Variants in CHSY3 observed in about 807,000 individuals in gnomAD.
The protein encoded by CHSY3 is chondroitin sulfate synthase 3.
CHSY3 carries 35 observed loss-of-function variants against 67.2 expected under a neutral mutation model. The ratio of observed to expected loss-of-function variants is 0.52; its 90% CI spans 0.40 to 0.69. The LOEUF is 0.69. Among genes scored for constraint, CHSY3 ranks in the 30% least tolerant of loss-of-function variants. CHSY3 has a pLI of 0.00. For synonymous variants in CHSY3, 474 were observed against 434.7 expected, an observed-to-expected ratio of 1.09 and a Z score of -1.12; for missense variants, 1,069 against 1,138.5, an observed-to-expected ratio of 0.94 and a Z score of 0.88.
intron 2 of CHSY3, among the ~76,000 whole-genome samples, chr5:130,134,314 TA>T (rs1425301596): frequency 1.3e-5 from 2 of 152,234 alleles, no homozygotes; most frequent in African/African-American, 4.8e-5. Context: ...TCATACATTT[TA>T]AAACTTTAGA....
chr5:129,948,063 T>G (rs1422666219), intron 2 of CHSY3, among the ~76,000 whole-genome samples: 1 of 152,214 alleles, frequency 6.6e-6, no homozygotes, highest in African/African-American at 2.4e-5. Flanking sequence ...TAGGTTGCCT[T>G]TTAATTTTCT....
At chr5:130,087,310 G>C (rs953419256) in intron 2 of CHSY3, among the ~76,000 whole-genome samples, 7 of 152,124 alleles carry the variant, frequency 4.6e-5, no homozygotes, top group Admixed American at 6.6e-5. Context: ...ACTGACACAA[G>C]ACAGGGATGC....
chr5:130,089,517 T>C (rs1185449232), intron 2 of CHSY3, among the ~76,000 whole-genome samples: 1 of 152,184 alleles, frequency 6.6e-6, no homozygotes, highest in African/African-American at 2.4e-5. Context: ...ATAGTTTCAA[T>C]TGGCAAATGG....
intron 2 of CHSY3, among the ~76,000 whole-genome samples, chr5:129,942,551 A>G (rs1761728828): frequency 1.3e-5 from 2 of 152,144 alleles, no homozygotes; most frequent in Non-Finnish European, 2.9e-5. Context: ...ATTTATATTT[A>G]TTGTACCAGA....
At chr5:130,055,635 A>G (rs1375635246) in intron 2 of CHSY3, among the ~76,000 whole-genome samples, 5 of 152,108 alleles carry the variant, frequency 3.3e-5, no homozygotes, top group Admixed American at 6.5e-5. Flanking sequence ...CATACACCCT[A>G]GTAGTATATA....
chr5:130,044,263 T>A (rs1765082941), intron 2 of CHSY3, among the ~76,000 whole-genome samples: 1 of 152,114 alleles, frequency 6.6e-6, no homozygotes, highest in Non-Finnish European at 1.5e-5. Flanking sequence ...GAGCATATTA[T>A]CATGGAGACC....
chr5:130,046,576 C>A (rs1283769064), intron 2 of CHSY3, among the ~76,000 whole-genome samples: 1 of 152,076 alleles, frequency 6.6e-6, no homozygotes, highest in African/African-American at 2.4e-5. Flanking sequence ...TCAAATATCA[C>A]ATACTTGCTG....
rs192821978 is a variant in CHSY3 at position 129,993,252 on chromosome 5, G to A, written c.1086+84892G>A. Reference sequence around the variant, plus strand: ...ACTACACTGTTATTCACAGTACTCTGTCTTTTAAGAGTGATGTGATTCCAT... The same window carrying A: ...ACTACACTGTTATTCACAGTACTCTATCTTTTAAGAGTGATGTGATTCCAT... On this transcript the variant is annotated intron_variant, in intron 2 of 2. Transcript: ENST00000305031. 2.3e-4 allele frequency among the ~76,000 whole-genome samples: 35 copies of A among 152,114 alleles called. No homozygotes were observed. In the South Asian group the frequency reaches 6.0e-3, roughly 26 times the overall value.
chr5:130,078,388 T>C (rs964158027), intron 2 of CHSY3, among the ~76,000 whole-genome samples: 1 of 152,128 alleles, frequency 6.6e-6, no homozygotes, highest in African/African-American at 2.4e-5. Context: ...CCTATAGAAC[T>C]GCCACATAAA....
At chr5:130,139,447 A>G (rs533840730) in intron 2 of CHSY3, among the ~76,000 whole-genome samples, 1 of 152,254 alleles carries the variant, frequency 6.6e-6, no homozygotes, top group East Asian at 1.9e-4. Flanking sequence ...AGATTAGAGT[A>G]TGTATGATAA....
intron 2 of CHSY3, among the ~76,000 whole-genome samples, chr5:129,954,669 T>C (rs1464809477): frequency 4.6e-5 from 7 of 152,190 alleles, no homozygotes; most frequent in Admixed American, 1.3e-4. Flanking sequence ...GAGCAGTGGT[T>C]TCTGGTTCTC....
At chr5:130,182,189 T>C (rs1580806505) in intron 2 of CHSY3, among the ~76,000 whole-genome samples, 1 of 152,222 alleles carries the variant, frequency 6.6e-6, no homozygotes, top group South Asian at 2.1e-4. Context: ...ATCTGTTTTT[T>C]TGTGGATCCA....
rs193085658 is a variant in CHSY3 at position 130,077,129 on chromosome 5, T to A, written c.1087-107100T>A. Among the ~76,000 whole-genome samples, 422 of 145,318 alleles carry A rather than the reference T, an allele frequency of 2.9e-3. 1 individual carries two copies. The highest frequency in any genetic ancestry group is 8.9e-3 in the African/African-American group (355 of 39,716). ...AAAATAAAATTTAAGAAAAAAAATT[T>A]AAAAAAAAAAAGATTGTAAACTACG... is the stretch of plus-strand genomic sequence containing the variant. On this transcript the variant is annotated intron_variant, in intron 2 of 2. Transcript: ENST00000305031.
intron 2 of CHSY3, among the ~76,000 whole-genome samples, chr5:130,009,752 C>G (rs1320131461): frequency 1.3e-5 from 2 of 152,142 alleles, no homozygotes; most frequent in South Asian, 4.1e-4. Flanking sequence ...GAACCATCTC[C>G]CATGCAGTGA....
chr5:129,937,631 A>T (rs1761544180), intron 2 of CHSY3, among the ~76,000 whole-genome samples: 1 of 151,516 alleles, frequency 6.6e-6, no homozygotes. Flanking sequence ...CCTTCTACCT[A>T]TGAGCCTGAA....
At chr5:129,986,956 TTAA>T (rs1763223300) in intron 2 of CHSY3, among the ~76,000 whole-genome samples, 1 of 152,182 alleles carries the variant, frequency 6.6e-6, no homozygotes, top group African/African-American at 2.4e-5. Flanking sequence ...AGTTTTCTTA[TTAA>T]TGACTTTTCT....
intron 2 of CHSY3, among the ~76,000 whole-genome samples, chr5:129,955,583 A>G (rs1284646616): frequency 6.6e-6 from 1 of 151,702 alleles, no homozygotes; most frequent in East Asian, 1.9e-4. Flanking sequence ...GTTCAGGGGT[A>G]CATGTGTAGG....
At chr5:130,073,257 A>G (rs1217366894) in intron 2 of CHSY3, among the ~76,000 whole-genome samples, 1 of 152,048 alleles carries the variant, frequency 6.6e-6, no homozygotes, top group Non-Finnish European at 1.5e-5. Context: ...ATTATACCCC[A>G]TAAATATACA....
At chr5:129,926,232 C>A (rs1761104767) in intron 2 of CHSY3, among the ~76,000 whole-genome samples, 1 of 151,936 alleles carries the variant, frequency 6.6e-6, no homozygotes, top group Non-Finnish European at 1.5e-5. Context: ...GTTTAGATGG[C>A]CAACTTATTG....
Sources: gnomAD v4.1 joint callset for allele counts (sites outside exome capture counted in the v4.1 genomes callset) on GRCh38, gnomAD v4.1.1 for gene constraint, MANE v1.5 for transcripts, NCBI Gene and HGNC (gene_info 2026-07-23, HGNC 2026-07-21) for gene names.